The following RPS6KC1 variants were observed in gnomAD, a reference collection of about 807,000 sequenced individuals.
RPS6KC1 encodes ribosomal protein S6 kinase C1, also known as inactive ribosomal protein S6 kinase delta-1.
In RPS6KC1, 54 loss-of-function variants were observed where a neutral mutation model predicts 103.8. The ratio of observed to expected loss-of-function variants is 0.52; its 90% CI spans 0.42 to 0.65. The LOEUF is 0.65. Ranked by LOEUF, RPS6KC1 falls within the 30% of genes least tolerant of loss-of-function variation. The probability of loss-of-function intolerance (pLI) is 0.00; values close to 1 mark genes in which losing one functional copy is unlikely to be tolerated. For synonymous variants in RPS6KC1, 439 were observed against 438.7 expected (o/e 1.00, Z -0.01); for missense variants, 1,151 against 1,253.8 (o/e 0.92, Z 1.24).
the RPS6KC1 span, among the ~76,000 whole-genome samples, chr1:213,471,659 G>A: frequency 2.0e-5 from 3 of 152,052 alleles, no homozygotes; most frequent in South Asian, 2.1e-4. Flanking sequence ...GAAGTTGGGT[G>A]TAGGAAATTG....
chr1:213,262,481 A>G (rs2094819903), intron 13 of RPS6KC1, among the ~76,000 whole-genome samples: 1 of 152,214 alleles, frequency 6.6e-6, no homozygotes, highest in African/African-American at 2.4e-5. Context: ...TTTTATAACT[A>G]AGGACGACGG....
chr1:213,558,599 A>G, the RPS6KC1 span, among the ~76,000 whole-genome samples: 1 of 152,222 alleles, frequency 6.6e-6, no homozygotes, highest in African/African-American at 2.4e-5. Context: ...CTTTCTGGCC[A>G]ATGACAGCAA....
At chr1:213,351,941 G>A in the RPS6KC1 span, among the ~76,000 whole-genome samples, 1 of 151,844 alleles carries the variant, frequency 6.6e-6, no homozygotes, top group Admixed American at 6.6e-5. Flanking sequence ...ACTACTCTGG[G>A]CTGGAGGTGG....
At chr1:213,452,524 A>G in the RPS6KC1 span, among the ~76,000 whole-genome samples, 266 of 152,258 alleles carry the variant, frequency 1.7e-3, no homozygotes, top group Non-Finnish European at 2.7e-3. Context: ...TAGCACCTAG[A>G]TAAAATGGCT....
intron 12 of RPS6KC1, among the ~76,000 whole-genome samples, chr1:213,261,288 A>G (rs1454902870): frequency 6.6e-6 from 1 of 152,184 alleles, no homozygotes; most frequent in Non-Finnish European, 1.5e-5. Flanking sequence ...GTAGGTTCAC[A>G]TAACTTTTAA....
chr1:213,611,944 GGTA>G, the RPS6KC1 span, among the ~76,000 whole-genome samples: 1 of 152,222 alleles, frequency 6.6e-6, no homozygotes. Flanking sequence ...TGAGAGATGA[GGTA>G]GTAAGCCTGT....
At chr1:213,349,217 T>G in the RPS6KC1 span, among the ~76,000 whole-genome samples, 1 of 152,230 alleles carries the variant, frequency 6.6e-6, no homozygotes, top group African/African-American at 2.4e-5. Flanking sequence ...TATTTTACCT[T>G]TATAAAAACT....
chr1:213,397,827 C>T, the RPS6KC1 span, among the ~76,000 whole-genome samples: 8 of 152,000 alleles, frequency 5.3e-5, no homozygotes, highest in Non-Finnish European at 7.4e-5. Context: ...GAGAGGACAC[C>T]GTTTGGAACG....
At chr1:213,178,028 C>A (rs908725195) in intron 8 of RPS6KC1, among the ~76,000 whole-genome samples, 1 of 150,590 alleles carries the variant, frequency 6.6e-6, no homozygotes, top group Non-Finnish European at 1.5e-5. Context: ...CATGGTGAGA[C>A]CCTGCGTCTA....
At chr1:213,319,484 A>T in the RPS6KC1 span, among the ~76,000 whole-genome samples, 1 of 152,244 alleles carries the variant, frequency 6.6e-6, no homozygotes, top group African/African-American at 2.4e-5. Flanking sequence ...ATGTGCGGTC[A>T]GCTCTCAGTT....
the RPS6KC1 span, among the ~76,000 whole-genome samples, chr1:213,809,668 A>T: frequency 1.3e-5 from 2 of 152,212 alleles, no homozygotes; most frequent in Non-Finnish European, 1.5e-5. Flanking sequence ...TTAAGAGGAT[A>T]CTCATTACAA....
chr1:213,088,793 GA>G (rs1269313253), intron 3 of RPS6KC1, among the ~76,000 whole-genome samples: 2 of 152,182 alleles, frequency 1.3e-5, no homozygotes, highest in Non-Finnish European at 2.9e-5. Context: ...AATTCTGAAT[GA>G]CCTGTTTCCA....
At chr1:213,788,664 C>A in the RPS6KC1 span, among the ~76,000 whole-genome samples, 3 of 152,154 alleles carry the variant, frequency 2.0e-5, no homozygotes, top group African/African-American at 7.2e-5. Flanking sequence ...GAGGGCAATT[C>A]TGGTCACTCA....
the RPS6KC1 span, among the ~76,000 whole-genome samples, chr1:213,470,784 C>T: frequency 6.6e-6 from 1 of 151,832 alleles, no homozygotes; most frequent in Non-Finnish European, 1.5e-5. Context: ...CCTGCCACAA[C>T]TGGCTAATTT....
chr1:213,652,999 G>A, the RPS6KC1 span, among the ~76,000 whole-genome samples: 1 of 152,158 alleles, frequency 6.6e-6, no homozygotes, highest in African/African-American at 2.4e-5. Flanking sequence ...AAGATGTCTG[G>A]TACATAGCAC....
chr1:213,118,021 C>CAAAAAAAAAAAAAAAAAAAGAAAAAAAAA (rs59318173), intron 5 of RPS6KC1, among the ~76,000 whole-genome samples: 1 of 34,182 alleles, frequency 2.9e-5, no homozygotes, highest in Non-Finnish European at 5.9e-5. Context: ...GACTTTGTCT[C>CAAAAAAAAAAAAAAAAAAAGAAAAAAAAA]AAAAAAAAAA....
intron 10 of RPS6KC1, among the ~76,000 whole-genome samples, chr1:213,238,464 A>G (rs1573521394): frequency 6.6e-6 from 1 of 152,240 alleles, no homozygotes; most frequent in Middle Eastern, 3.4e-3. Flanking sequence ...GATTCAGTAG[A>G]TGGAGGGAAC....
chr1:213,242,762 T>C (rs1279239137), intron 12 of RPS6KC1, 104 bp downstream of exon 12: 1 of 885,532 alleles, frequency 1.1e-6, no homozygotes, highest in Admixed American at 2.5e-5. Flanking sequence ...AGTTTACATA[T>C]GTGTTGGATT....
the RPS6KC1 span, among the ~76,000 whole-genome samples, chr1:213,729,865 T>A: frequency 6.6e-6 from 1 of 152,166 alleles, no homozygotes; most frequent in African/African-American, 2.4e-5. Context: ...AATTATTTCA[T>A]CACTTGGGCA....
Sources: allele counts gnomAD v4.1 joint callset (sites outside exome capture counted in the v4.1 genomes callset), GRCh38; gene constraint gnomAD v4.1.1; transcripts MANE v1.5; gene names NCBI Gene and HGNC (gene_info 2026-07-23, HGNC 2026-07-21).